FAM20C: variants seen among roughly 807,000 people sequenced by gnomAD.
The protein encoded by FAM20C is extracellular serine/threonine protein kinase FAM20C.
In FAM20C, 40 loss-of-function variants were observed where a neutral mutation model predicts 51.5. The observed-to-expected ratio is 0.78, with a 90% confidence interval of 0.60 to 1.01. The LOEUF is 1.01. Among genes scored for constraint, FAM20C ranks in the 50% least tolerant of loss-of-function variants. The pLI, the probability that FAM20C is intolerant of heterozygous loss-of-function variation, is 0.00. For synonymous variants in FAM20C, 406 were observed against 380.6 expected, an observed-to-expected ratio of 1.07 and a Z score of -0.78; for missense variants, 861 against 844.7, an observed-to-expected ratio of 1.02 and a Z score of -0.24.
rs1212087732 is a variant in FAM20C, at chr7:193,571, G to C, written c.372G>C (p.Arg124=). The change falls in exon 1 of 10, where the codon CGG becomes CGC. Residue 124 remains arginine (R), a synonymous_variant. Coordinates refer to ENST00000313766, the MANE Select transcript of FAM20C (RefSeq NM_020223.4). ...AEPAERALRG[R]DPGALRPHDP... is the part of the protein sequence containing the mutation. ...CGGCCGAGCGCGCCTTGCGGGGGCG[G>C]GATCCCGGCGCCCTAAGACCCCACG... The C allele has an allele frequency of 2.0e-6, 3 of 1,499,866 alleles. No homozygotes were observed. In the East Asian group the frequency reaches 8.5e-5, roughly 42 times the overall value. The allele number at this position is 1,499,866 out of a possible 1,614,324, so 92.9% of individuals were successfully genotyped here. A position where few individuals can be genotyped will look rare whatever the true frequency, so the allele number is the denominator to read the frequency against.
chr7:236,745 G>A (rs908033926), intron 3 of FAM20C, among the ~76,000 whole-genome samples: 4 of 151,014 alleles, frequency 2.6e-5, no homozygotes, highest in Admixed American at 6.6e-5. Context: ...CTGGGGTCCC[G>A]GTGGCTGTCG....
intron 2 of FAM20C, among the ~76,000 whole-genome samples, chr7:196,060 G>T (rs1057356654): frequency 6.6e-6 from 1 of 152,218 alleles, no homozygotes; most frequent in Non-Finnish European, 1.5e-5. Flanking sequence ...GAGGAATAGA[G>T]GGGTATCTCT....
At chr7:218,908 C>G (rs1246747929) in intron 3 of FAM20C, among the ~76,000 whole-genome samples, 2 of 151,924 alleles carry the variant, frequency 1.3e-5, no homozygotes, top group Admixed American at 6.5e-5. Flanking sequence ...CCAGGACGCA[C>G]AGATCACTCC....
chr7:256,600 C>A, intron 6 of FAM20C, 54 bp from the exon 7 acceptor site: 1 of 1,425,818 alleles, frequency 7.0e-7, no homozygotes, highest in East Asian at 2.5e-5. Flanking sequence ...ATGGCACGCG[C>A]CGGGCTCCCC....
At chr7:195,842 G>C (rs147129705) in intron 2 of FAM20C, 110 bp downstream of exon 2, 1 of 1,109,174 alleles carries the variant, frequency 9.0e-7, no homozygotes. Context: ...TGCTCATTAC[G>C]GCAGCGTCAC....
chr7:259,589 T>TGCC (rs1788799799), intron 9 of FAM20C, 142 bp from the exon 10 acceptor site: 1 of 1,087,858 alleles, frequency 9.2e-7, no homozygotes, highest in African/African-American at 2.8e-5. Context: ...TGTCTCTGTC[T>TGCC]TTTTCTCTCT....
At chr7:218,133 G>A (rs888156930) in intron 3 of FAM20C, among the ~76,000 whole-genome samples, 1 of 152,162 alleles carries the variant, frequency 6.6e-6, no homozygotes, top group Admixed American at 6.5e-5. Flanking sequence ...TCTGTGAAAC[G>A]GGGTCACACG....
At chr7:253,645 G>C (rs1339714965) in intron 5 of FAM20C, among the ~76,000 whole-genome samples, 1 of 152,220 alleles carries the variant, frequency 6.6e-6, no homozygotes, top group East Asian at 1.9e-4. Context: ...CGGCGTTGCT[G>C]GGACCCCCGC....
In FAM20C at chr7:230,381, G is replaced by GT. The variant is rs1464883594; in HGVS notation, c.864-16034_864-16033insT. Among the ~76,000 whole-genome samples, 8 of 105,574 alleles carry GT rather than the reference G, an allele frequency of 7.6e-5. 1 individual carries two copies. Among genetic ancestry groups the GT allele is most frequent in the Non-Finnish European group, 8.5e-5 (4 of 46,894 alleles). 69.3% of individuals were successfully genotyped at this position (105,574 alleles called of 152,430 possible). A position where few individuals can be genotyped will look rare whatever the true frequency, so the allele number is the denominator to read the frequency against. On this transcript the variant is annotated intron_variant, in intron 3 of 9. Transcript: ENST00000313766. ...TGTCCCCAGGACGGGGTGGGGGGGG[G>GT]GGGGAACAGATCCCCGTGGCTTAAA...
At chr7:250,877 C>T (rs569138777) in intron 5 of FAM20C, among the ~76,000 whole-genome samples, 8 of 152,368 alleles carry the variant, frequency 5.3e-5, no homozygotes, top group African/African-American at 1.7e-4. Flanking sequence ...CTGACATTCC[C>T]CATCCTCAGG....
intron 3 of FAM20C, chr7:228,357 G>A (rs1367912482): frequency 2.4e-6 from 1 of 417,630 alleles, no homozygotes; most frequent in Admixed American, 2.6e-5. Flanking sequence ...TTAGATCACA[G>A]GGGCTCTTGT....
At chr7:198,538 G>A (rs1464509463) in intron 2 of FAM20C, among the ~76,000 whole-genome samples, 1 of 152,226 alleles carries the variant, frequency 6.6e-6, no homozygotes, top group African/African-American at 2.4e-5. Context: ...ATAGTCACAT[G>A]TTCCTCTGAG....
chr7:209,156 C>G (rs1480762910), intron 3 of FAM20C, among the ~76,000 whole-genome samples, 180 bp downstream of exon 3: 5 of 152,188 alleles, frequency 3.3e-5, no homozygotes, highest in Non-Finnish European at 7.3e-5. Flanking sequence ...CATTTTCTCT[C>G]CTCTCCCACG....
rs543420127 is a variant in FAM20C at position 210,077 on chromosome 7, C to T, written c.863+1101C>T. Among the ~76,000 whole-genome samples, 6 of 152,358 alleles carry T rather than the reference C, an allele frequency of 3.9e-5. No homozygotes were observed. The South Asian group carries it at 1.2e-3, about 32-fold the overall frequency. ...GGCCGAGGGCATCCCCGCTCACACG[C>T]TCACACAGGGCCGGGGAGCAGCCGT... On this transcript the variant is annotated intron_variant, in intron 3 of 9. Transcript: ENST00000313766.
intron 3 of FAM20C, chr7:227,629 T>A (rs1312464734): frequency 6.6e-6 from 1 of 152,170 alleles, no homozygotes; most frequent in East Asian, 1.9e-4. Context: ...AGGAAAGATG[T>A]CTGCACCTGT....
intron 3 of FAM20C, chr7:227,569 C>T (rs369494017): frequency 6.6e-6 from 1 of 151,994 alleles, no homozygotes; most frequent in African/African-American, 2.4e-5. Flanking sequence ...TTAGTAGCAG[C>T]TTACCCTTTT....
At chr7:241,335 T>C (rs1479717242) in intron 3 of FAM20C, among the ~76,000 whole-genome samples, 2 of 152,186 alleles carry the variant, frequency 1.3e-5, no homozygotes, top group African/African-American at 4.8e-5. Context: ...TGTGCTTTAA[T>C]GACCGGATTT....
Position 224,371 on chromosome 7 carries a change from C to CG in FAM20C, c.863+15399dup, listed in dbSNP as rs551640366. On this transcript the variant is annotated intron_variant, in intron 3 of 9. Transcript: ENST00000313766. ...CTCACGGAGCAGAACGGCACTGTCA[C>CG]GGGGTCACATGGCGGCTGTCCCCTG... Among the ~76,000 whole-genome samples, 4 of 23,606 alleles carry CG rather than the reference C, an allele frequency of 1.7e-4. 1 individual carries two copies. The highest frequency in any genetic ancestry group is 5.3e-4 in the African/African-American group (3 of 5,694). 15.5% of individuals were successfully genotyped at this position (23,606 alleles called of 152,430 possible). A position where few individuals can be genotyped will look rare whatever the true frequency, so the allele number is the denominator to read the frequency against.
chr7:232,599 CTA>C (rs1440583802), intron 3 of FAM20C, among the ~76,000 whole-genome samples: 2 of 152,236 alleles, frequency 1.3e-5, no homozygotes, highest in Admixed American at 6.5e-5. Flanking sequence ...CCAGTTTCCT[CTA>C]TTTTTAACCA....
Sources: gnomAD v4.1 joint callset for allele counts (sites outside exome capture counted in the v4.1 genomes callset) on GRCh38, gnomAD v4.1.1 for gene constraint, MANE v1.5 for transcripts, NCBI Gene and HGNC (gene_info 2026-07-23, HGNC 2026-07-21) for gene names.